The following MCF2L2 variants were observed in gnomAD, a reference collection of about 807,000 sequenced individuals.
MCF2L2 encodes the protein probable guanine nucleotide exchange factor MCF2L2.
Under a neutral mutation model 150.2 loss-of-function variants are expected in MCF2L2, and 102 were observed. The ratio of observed to expected loss-of-function variants is 0.68; its 90% CI spans 0.58 to 0.80. The LOEUF (loss-of-function observed/expected upper bound fraction) is 0.80. Among genes scored for constraint, MCF2L2 ranks in the 30% least tolerant of loss-of-function variants. The pLI is 0.00. For missense variants in MCF2L2, 1,256 were observed against 1,372.8 expected, an observed-to-expected ratio of 0.91 and a Z score of 1.34; for synonymous variants, 465 against 491.3, an observed-to-expected ratio of 0.95 and a Z score of 0.71.
chr3:183,208,602 C>T lies in MCF2L2; in HGVS notation c.2497-779G>A, dbSNP rs142618342. On this transcript the variant is annotated intron_variant, in intron 22 of 29. Transcript: ENST00000328913. ...ACAGTGGACCAAGATGAGCTGGGAGCGAGGCATTTTATCTGGTATTTTTCA... is the reference window on the plus strand; with the variant it reads ...ACAGTGGACCAAGATGAGCTGGGAGTGAGGCATTTTATCTGGTATTTTTCA... Among the ~76,000 whole-genome samples, 75 of 152,208 alleles carry T rather than the reference C, an allele frequency of 4.9e-4. 1 individual carries two copies. In the East Asian group the frequency reaches 0.013, roughly 27 times the overall value.
intron 5 of MCF2L2, among the ~76,000 whole-genome samples, chr3:183,332,549 T>C (rs990545646): frequency 1.3e-5 from 2 of 152,164 alleles, no homozygotes; most frequent in Non-Finnish European, 2.9e-5. Flanking sequence ...CTAGATCATA[T>C]GTATCATATG....
chr3:183,388,673 A>G (rs934010225), intron 2 of MCF2L2, among the ~76,000 whole-genome samples: 1 of 152,214 alleles, frequency 6.6e-6, no homozygotes, highest in Non-Finnish European at 1.5e-5. Flanking sequence ...GTGCGCAGTG[A>G]CTGATATGGC....
chr3:183,313,345 G>C (rs978476573), intron 7 of MCF2L2, among the ~76,000 whole-genome samples: 3 of 152,196 alleles, frequency 2.0e-5, no homozygotes, highest in African/African-American at 7.2e-5. Flanking sequence ...GACACTGGAG[G>C]GGGAAGCTGG....
intron 27 of MCF2L2, among the ~76,000 whole-genome samples, chr3:183,186,601 C>T (rs1161109759): frequency 1.3e-5 from 2 of 152,214 alleles, no homozygotes; most frequent in Non-Finnish European, 2.9e-5. Context: ...GTGGTGGGCA[C>T]CTGTAATCCC....
At position 183,289,160 on chromosome 3, in the gene MCF2L2, G is replaced by A. The variant is rs1727971880; in HGVS notation, c.1736C>T (p.Ser579Phe). 2 of 1,613,970 alleles carry A rather than the reference G, an allele frequency of 1.2e-6. No homozygotes were observed. Among genetic ancestry groups the A allele is most frequent in the Non-Finnish European group, 8.5e-7 (1 of 1,179,934 alleles). ...AGTCTCATCATCTTCCTTTCCCCGG[G>A]AGTTCAACTCTGTCTCCGTATAAGG... is the stretch of plus-strand genomic sequence containing the variant. ...EEPYTETELN[S>F]RGKEDDETKF... The change falls in exon 14 of 30, where the codon TCC (serine) becomes TTC (phenylalanine). Residue 579 changes from serine to phenylalanine, a missense_variant. Ser to Phe is a radical substitution (Grantham distance 155). Transcript: ENST00000328913.
intron 7 of MCF2L2, among the ~76,000 whole-genome samples, chr3:183,317,543 CCT>C (rs1729650263): frequency 6.6e-6 from 1 of 152,122 alleles, no homozygotes; most frequent in Admixed American, 6.5e-5. Flanking sequence ...CTTCCGTAGT[CCT>C]TTTTCTCAAA....
At position 183,409,039 on chromosome 3, in the gene MCF2L2, AC is replaced by A. The variant is rs374272912; in HGVS notation, c.76+18862del. The stretch of plus-strand genomic sequence containing the variant: ...TAGCATGGGAAATGCAATTAGGCAA[AC>A]ATTTCTTCCTTAACAGGCTTATTAT... On this transcript the variant is annotated intron_variant, in intron 1 of 29. Coordinates refer to ENST00000328913, the MANE Select transcript of MCF2L2 (RefSeq NM_015078.4). Among the ~76,000 whole-genome samples the A allele has an allele frequency of 2.7e-3, 409 of 152,366 alleles. 2 individuals carry two copies. Among genetic ancestry groups the A allele is most frequent in the South Asian group, 0.018 (86 of 4,832 alleles).
intron 20 of MCF2L2, among the ~76,000 whole-genome samples, chr3:183,222,250 G>T (rs1393367333): frequency 1.3e-5 from 2 of 152,114 alleles, no homozygotes; most frequent in African/African-American, 4.8e-5. Context: ...ACAGTCCAGA[G>T]CATGGCTGGT....
At chr3:183,346,383 C>A (rs965122515) in intron 3 of MCF2L2, among the ~76,000 whole-genome samples, 2 of 152,268 alleles carry the variant, frequency 1.3e-5, no homozygotes. Context: ...AAAAACACTC[C>A]ATAAAGTAGG....
chr3:183,346,252 AC>A (rs548797834), intron 3 of MCF2L2, among the ~76,000 whole-genome samples: 195 of 151,334 alleles, frequency 1.3e-3, no homozygotes, highest in African/African-American at 4.6e-3. Flanking sequence ...CCTGGGATGC[AC>A]TCAACATATG....
intron 3 of MCF2L2, among the ~76,000 whole-genome samples, chr3:183,371,124 C>G (rs776774323): frequency 6.6e-6 from 1 of 152,200 alleles, no homozygotes; most frequent in Non-Finnish European, 1.5e-5. Flanking sequence ...CACTTTTGCT[C>G]GTTAATGTTG....
chr3:183,219,621 A>G (rs1170940367), intron 21 of MCF2L2, among the ~76,000 whole-genome samples: 1 of 151,578 alleles, frequency 6.6e-6, no homozygotes, highest in Non-Finnish European at 1.5e-5. Context: ...AAAAAAAAAA[A>G]ATTATGTGGA....
intron 15 of MCF2L2, among the ~76,000 whole-genome samples, chr3:183,234,685 C>CACTTT: frequency 1.2e-5 from 1 of 80,160 alleles, no homozygotes; most frequent in Admixed American, 1.3e-4. Context: ...AAATGTATGA[C>CACTTT]TCTTTTTTTT....
In MCF2L2 at chr3:183,295,446, T is replaced by C. The variant is rs752866845; in HGVS notation, c.1529A>G (p.Asp510Gly). 54 of 1,613,936 alleles carry C rather than the reference T, an allele frequency of 3.3e-5. No homozygotes were observed. Among genetic ancestry groups the C allele is most frequent in the Non-Finnish European group, 4.2e-5 (50 of 1,180,010 alleles). Residue 510 changes from aspartate to glycine, a missense_variant, in exon 13 of 30, where the codon GAT (aspartate) becomes GGT (glycine). By Grantham distance (94) the Asp-to-Gly change is moderately conservative. Coordinates refer to ENST00000328913, the MANE Select transcript of MCF2L2 (RefSeq NM_015078.4). ...AKAQKVLQRLDDVQEIFHKRQ... is the reference protein window; with the variant it reads ...AKAQKVLQRLGDVQEIFHKRQ... ...CTTGTGAAATATTTCCTGGACATCA[T>C]CCAGCCTCTGCAAAACTTTCTGGGC...
At chr3:183,224,077 A>C in intron 19 of MCF2L2, 21 bp downstream of exon 19, 1 of 1,584,754 alleles carries the variant, frequency 6.3e-7, no homozygotes, top group Non-Finnish European at 8.7e-7. Flanking sequence ...TCCAGGAAGA[A>C]GTTTGTCTTC....
chr3:183,238,660 A>C (rs1379175793), intron 15 of MCF2L2, among the ~76,000 whole-genome samples: 1 of 151,612 alleles, frequency 6.6e-6, no homozygotes, highest in Non-Finnish European at 1.5e-5. Context: ...AGGAAAGCCA[A>C]AAGATTGGAC....
intron 5 of MCF2L2, among the ~76,000 whole-genome samples, chr3:183,330,255 AAAAAAAAAG>A (rs1730215325): frequency 6.6e-6 from 1 of 151,280 alleles, no homozygotes; most frequent in East Asian, 1.9e-4. Context: ...GAAAAAAAAA[AAAAAAAAAG>A]AAGAAGAAAA....
chr3:183,298,765 G>GCGCGCGCGCGCGCACACACACA, intron 11 of MCF2L2: 7 of 138,580 alleles, frequency 5.1e-5, no homozygotes, highest in African/African-American at 8.7e-5. Flanking sequence ...AAACACACAT[G>GCGCGCGCGCGCGCACACACACA]CACACACACA....
chr3:183,289,796 C>T (rs560517202), intron 13 of MCF2L2, among the ~76,000 whole-genome samples: 125 of 152,300 alleles, frequency 8.2e-4, no homozygotes, highest in East Asian at 1.5e-3. Flanking sequence ...GCGGAGGTTG[C>T]GGTGAGCTGA....
Sources: allele counts gnomAD v4.1 joint callset (sites outside exome capture counted in the v4.1 genomes callset), GRCh38; gene constraint gnomAD v4.1.1; transcripts MANE v1.5; gene names NCBI Gene and HGNC (gene_info 2026-07-23, HGNC 2026-07-21).